Variants in CACNA2D1 observed in about 807,000 individuals in gnomAD.
CACNA2D1 encodes the protein calcium voltage-gated channel auxiliary subunit alpha2delta 1.
In CACNA2D1, 53 loss-of-function variants were observed where a neutral mutation model predicts 171.5. The observed-to-expected ratio is 0.31, with a 90% CI of 0.25 to 0.39. The LOEUF (loss-of-function observed/expected upper bound fraction) is 0.39, where lower values mean the gene tolerates loss of function less well. Ranked by LOEUF, CACNA2D1 falls within the 10% of genes least tolerant of loss-of-function variation. CACNA2D1 has a pLI of 1.00. For missense variants in CACNA2D1, 903 were observed against 1,299.8 expected (o/e 0.69, Z 4.69); for synonymous variants, 442 against 443.1 (o/e 1.00, Z 0.03).
intron 10 of CACNA2D1, among the ~76,000 whole-genome samples, chr7:82,060,222 AAT>A (rs1303379266): frequency 8.5e-5 from 5 of 58,784 alleles, no homozygotes; most frequent in African/African-American, 2.0e-4. Context: ...ATATATATAT[AAT>A]ATATATATAT....
intron 1 of CACNA2D1, among the ~76,000 whole-genome samples, chr7:82,392,036 A>G (rs967806664): frequency 6.6e-6 from 1 of 152,208 alleles, no homozygotes; most frequent in Admixed American, 6.5e-5. Context: ...CCTTCAAGCC[A>G]AAGACACTTT....
intron 7 of CACNA2D1, among the ~76,000 whole-genome samples, chr7:82,083,000 T>A (rs760257469): frequency 6.6e-6 from 1 of 152,028 alleles, no homozygotes; most frequent in Non-Finnish European, 1.5e-5. Context: ...TTGATCCCCA[T>A]GTTTTCTCTC....
rs566824625 is a variant in CACNA2D1 at position 82,439,631 on chromosome 7, T to C, written c.95+3734A>G. Among the ~76,000 whole-genome samples the C allele has an allele frequency of 7.3e-5, 11 of 151,634 alleles. No homozygotes were observed. The South Asian group carries it at 1.7e-3, about 23-fold the overall frequency. ...AAAAATTATATCCATTTCAGTCTGC[T>C]TAATTTTCATTCAAATGCCAATCCA... On this transcript the variant is annotated intron_variant, in intron 1 of 38. Transcript: ENST00000356860.
chr7:81,971,284 G>A (rs1795241951), intron 26 of CACNA2D1, among the ~76,000 whole-genome samples: 1 of 151,522 alleles, frequency 6.6e-6, no homozygotes, highest in South Asian at 2.1e-4. Context: ...GAACACTAAA[G>A]GCAGAAAAAT....
At chr7:82,183,629 A>T (rs2129173194) in intron 3 of CACNA2D1, among the ~76,000 whole-genome samples, 1 of 152,314 alleles carries the variant, frequency 6.6e-6, no homozygotes, top group African/African-American at 2.4e-5. Context: ...TTTTTATAAA[A>T]AATTGAGAAA....
intron 3 of CACNA2D1, among the ~76,000 whole-genome samples, chr7:82,187,577 T>C (rs945999666): frequency 6.6e-6 from 1 of 152,112 alleles, no homozygotes; most frequent in African/African-American, 2.4e-5. Context: ...ATATTAATAG[T>C]CAAGATTTCT....
intron 4 of CACNA2D1, among the ~76,000 whole-genome samples, chr7:82,163,329 A>G (rs531788745): frequency 1.3e-5 from 2 of 152,200 alleles, no homozygotes; most frequent in Admixed American, 6.6e-5. Flanking sequence ...ACATGAAAGT[A>G]TATAGCAATA....
Position 82,217,998 on chromosome 7 carries a change from G to A in CACNA2D1, c.295-47389C>T, listed in dbSNP as rs146118630. On this transcript the variant is annotated intron_variant, in intron 3 of 38. Coordinates refer to ENST00000356860, the MANE Select transcript of CACNA2D1 (RefSeq NM_000722.4). ...CGCTCAGGCTGGAGTGCAGTGGTGC[G>A]ATCTCTGCTCACTGCAAGCTCCGCC... Among the ~76,000 whole-genome samples the A allele has an allele frequency of 9.9e-3, 1,498 of 151,396 alleles. 24 individuals carry two copies. Among genetic ancestry groups the A allele is most frequent in the African/African-American group, 0.035 (1,427 of 41,202 alleles).
At chr7:82,264,391 G>A (rs575904976) in intron 3 of CACNA2D1, among the ~76,000 whole-genome samples, 1 of 151,688 alleles carries the variant, frequency 6.6e-6, no homozygotes, top group South Asian at 2.1e-4. Context: ...ACTCACTTAT[G>A]TTTGCTTGTA....
intron 1 of CACNA2D1, among the ~76,000 whole-genome samples, chr7:82,358,814 T>C (rs1225975913): frequency 6.6e-6 from 1 of 152,216 alleles, no homozygotes; most frequent in Non-Finnish European, 1.5e-5. Flanking sequence ...GAGATCTAAA[T>C]TTATTTTCAT....
At chr7:82,030,521 G>A (rs37154) in intron 12 of CACNA2D1, among the ~76,000 whole-genome samples, 79,702 of 151,282 alleles carry the variant, frequency 0.53, 23,250 homozygotes, top group African/African-American at 0.8. Context: ...TTTTAAAATC[G>A]GATATATCTC....
chr7:82,140,871 C>T (rs1045990175), intron 4 of CACNA2D1, among the ~76,000 whole-genome samples: 11 of 147,762 alleles, frequency 7.4e-5, no homozygotes, highest in South Asian at 2.1e-4. Context: ...AGGAGAATGG[C>T]GTGAACCTGG....
intron 38 of CACNA2D1, among the ~76,000 whole-genome samples, chr7:81,954,401 A>G (rs1462074923): frequency 1.3e-5 from 2 of 152,022 alleles, no homozygotes; most frequent in Non-Finnish European, 2.9e-5. Flanking sequence ...AAAGATATCA[A>G]CTAAGAATTC....
chr7:82,045,968 G>A (rs185019570), intron 10 of CACNA2D1, among the ~76,000 whole-genome samples: 1 of 152,062 alleles, frequency 6.6e-6, no homozygotes, highest in Non-Finnish European at 1.5e-5. Context: ...AATAACAGAG[G>A]AGAAAGCTAC....
At chr7:82,019,351 T>C (rs1800902480) in intron 12 of CACNA2D1, among the ~76,000 whole-genome samples, 1 of 152,124 alleles carries the variant, frequency 6.6e-6, no homozygotes, top group Admixed American at 6.6e-5. Flanking sequence ...AAAAATTAAA[T>C]TCCTATGGCT....
intron 3 of CACNA2D1, among the ~76,000 whole-genome samples, chr7:82,232,623 T>C (rs1803068810): frequency 6.6e-6 from 1 of 151,960 alleles, no homozygotes; most frequent in Admixed American, 6.6e-5. Flanking sequence ...CCAAGCACTT[T>C]GGGAGGCCGA....
intron 10 of CACNA2D1, among the ~76,000 whole-genome samples, chr7:82,053,145 A>G (rs1321563881): frequency 2.6e-5 from 4 of 151,162 alleles, no homozygotes; most frequent in South Asian, 2.1e-4. Context: ...CCAGCTACTC[A>G]GGAGGCTGAG....
chr7:82,139,664 C>T (rs893857382), intron 4 of CACNA2D1, among the ~76,000 whole-genome samples: 6 of 152,142 alleles, frequency 3.9e-5, no homozygotes, highest in South Asian at 2.1e-4. Flanking sequence ...TAATTCCAAA[C>T]GCTGAGTTTT....
At chr7:82,050,414 C>A (rs1805058003) in intron 10 of CACNA2D1, 1 of 587,084 alleles carries the variant, frequency 1.7e-6, no homozygotes, top group Non-Finnish European at 3.0e-6. Context: ...GCTGCCCAAA[C>A]CTCAATTCCC....
Sources: allele counts gnomAD v4.1 joint callset (sites outside exome capture counted in the v4.1 genomes callset), GRCh38; gene constraint gnomAD v4.1.1; transcripts MANE v1.5; gene names NCBI Gene and HGNC (gene_info 2026-07-23, HGNC 2026-07-21).